The following DPYD variants were observed in gnomAD, a reference collection of about 807,000 sequenced individuals.
The protein encoded by DPYD is dihydropyrimidine dehydrogenase [NADP(+)].
In DPYD, 109 loss-of-function variants were observed where a neutral mutation model predicts 116.2. That is an observed-to-expected ratio of 0.94 (90% CI 0.80 to 1.10). The LOEUF is 1.10. Among genes scored for constraint, DPYD ranks in the 50% least tolerant of loss-of-function variants. The pLI is 0.00. For missense variants in DPYD, 1,302 were observed against 1,254.5 expected, an observed-to-expected ratio of 1.04 and a Z score of -0.57; for synonymous variants, 440 against 432.0, an observed-to-expected ratio of 1.02 and a Z score of -0.23.
At chr1:97,871,764 T>G (rs1671668866) in intron 2 of DPYD, among the ~76,000 whole-genome samples, 1 of 151,944 alleles carries the variant, frequency 6.6e-6, no homozygotes, top group Non-Finnish European at 1.5e-5. Flanking sequence ...CCATCCTCAG[T>G]ATCTTGCTGC....
intron 12 of DPYD, among the ~76,000 whole-genome samples, chr1:97,519,111 T>TAAA (rs1408409507): frequency 3.3e-5 from 5 of 152,306 alleles, no homozygotes; most frequent in African/African-American, 1.2e-4. Context: ...GATTTGAAGG[T>TAAA]AAACTAAAAC....
intron 15 of DPYD, among the ~76,000 whole-genome samples, chr1:97,377,048 C>G (rs568152620): frequency 8.6e-5 from 13 of 150,562 alleles, no homozygotes; most frequent in Non-Finnish European, 1.9e-4. Flanking sequence ...GTCAGAGAAG[C>G]TAGAACTCCA....
At chr1:97,254,317 T>G (rs1005895171) in intron 18 of DPYD, among the ~76,000 whole-genome samples, 1 of 152,124 alleles carries the variant, frequency 6.6e-6, no homozygotes, top group Admixed American at 6.6e-5. Context: ...AAAATAACCC[T>G]GCAACAAGTT....
At chr1:97,635,306 T>C (rs920034255) in intron 8 of DPYD, among the ~76,000 whole-genome samples, 17 of 152,128 alleles carry the variant, frequency 1.1e-4, no homozygotes, top group African/African-American at 3.1e-4. Context: ...TGAACCTGTT[T>C]CCAGGGCCTT....
chr1:97,717,846 C>T (rs1404528623), intron 5 of DPYD, among the ~76,000 whole-genome samples: 1 of 151,706 alleles, frequency 6.6e-6, no homozygotes, highest in Non-Finnish European at 1.5e-5. Flanking sequence ...GTTTGTATCA[C>T]ATTTTCATTA....
chr1:97,270,466 A>C (rs143199219), intron 18 of DPYD, among the ~76,000 whole-genome samples: 148 of 152,338 alleles, frequency 9.7e-4, no homozygotes, highest in African/African-American at 3.3e-3. Flanking sequence ...AAAGATCATT[A>C]ACTACAACAT....
intron 1 of DPYD, among the ~76,000 whole-genome samples, chr1:97,902,700 G>A (rs1673425416): frequency 6.6e-6 from 1 of 151,754 alleles, no homozygotes; most frequent in African/African-American, 2.4e-5. Context: ...ATAATAAGAG[G>A]TAATTTCATC....
chr1:97,721,407 T>C (rs1662915621), intron 5 of DPYD, 103 bp downstream of exon 5: 1 of 1,407,176 alleles, frequency 7.1e-7, no homozygotes, highest in Admixed American at 1.8e-5. Flanking sequence ...TGTGTCACAC[T>C]AAAAATGTTG....
At chr1:97,898,449 C>G (rs1673192092) in intron 1 of DPYD, among the ~76,000 whole-genome samples, 1 of 151,918 alleles carries the variant, frequency 6.6e-6, no homozygotes, top group Non-Finnish European at 1.5e-5. Flanking sequence ...CCTATAAACT[C>G]TCTCAAGAGG....
At chr1:97,397,026 C>A (rs1673046862) in intron 14 of DPYD, among the ~76,000 whole-genome samples, 1 of 152,062 alleles carries the variant, frequency 6.6e-6, no homozygotes, top group Non-Finnish European at 1.5e-5. Context: ...TGAGAACATG[C>A]TAATTATTAT....
chr1:97,161,395 T>C (rs1475663876), intron 20 of DPYD, among the ~76,000 whole-genome samples: 2 of 152,130 alleles, frequency 1.3e-5, no homozygotes, highest in Non-Finnish European at 2.9e-5. Context: ...ATCAATGTTC[T>C]AATACATTAG....
chr1:97,177,141 C>T (rs554323325), intron 20 of DPYD, among the ~76,000 whole-genome samples: 1 of 152,098 alleles, frequency 6.6e-6, no homozygotes, highest in Non-Finnish European at 1.5e-5. Flanking sequence ...TCTATTTCCA[C>T]ACAGTCTGTG....
chr1:97,882,448 C>T (rs1014057578), intron 2 of DPYD, among the ~76,000 whole-genome samples: 15 of 151,944 alleles, frequency 9.9e-5, no homozygotes, highest in Non-Finnish European at 1.9e-4. Flanking sequence ...TAAAATCATA[C>T]ATTCTATAAG....
At chr1:97,811,236 C>T (rs1668335895) in intron 3 of DPYD, among the ~76,000 whole-genome samples, 1 of 152,070 alleles carries the variant, frequency 6.6e-6, no homozygotes, top group African/African-American at 2.4e-5. Flanking sequence ...ATTTTATATA[C>T]ATTTGTGTGG....
chr1:97,832,044 A>AG (rs1557995394), intron 2 of DPYD, among the ~76,000 whole-genome samples: 13 of 59,458 alleles, frequency 2.2e-4, no homozygotes, highest in Admixed American at 4.3e-4. Flanking sequence ...TATATAATGT[A>AG]TTGTGTGTGT....
chr1:97,230,205 T>C (rs1661491232), intron 19 of DPYD, among the ~76,000 whole-genome samples: 1 of 152,164 alleles, frequency 6.6e-6, no homozygotes, highest in African/African-American at 2.4e-5. Context: ...GCAGCACTAT[T>C]CACAATAGCA....
chr1:97,267,046 G>A (rs149025913), intron 18 of DPYD, among the ~76,000 whole-genome samples: 6,199 of 152,182 alleles, frequency 0.041, 155 homozygotes, highest in Middle Eastern at 0.11. Flanking sequence ...TATATACCCC[G>A]TAATGGGATC....
chr1:97,548,169 T>C (rs1203943061), intron 12 of DPYD, among the ~76,000 whole-genome samples: 1 of 152,190 alleles, frequency 6.6e-6, no homozygotes, highest in Non-Finnish European at 1.5e-5. Flanking sequence ...GTGAGCACTC[T>C]TCCTTGAATA....
chr1:97,089,046 T>G (rs943053972), intron 21 of DPYD, among the ~76,000 whole-genome samples: 4 of 152,100 alleles, frequency 2.6e-5, no homozygotes, highest in African/African-American at 9.7e-5. Context: ...ACAATTCAAT[T>G]GAAATAATAA....
Sources: allele counts gnomAD v4.1 joint callset (sites outside exome capture counted in the v4.1 genomes callset), GRCh38; gene constraint gnomAD v4.1.1; transcripts MANE v1.5; gene names NCBI Gene and HGNC (gene_info 2026-07-23, HGNC 2026-07-21).